MFSD12: variants seen among roughly 807,000 people sequenced by gnomAD.
The protein encoded by MFSD12 is major facilitator superfamily domain-containing protein 12.
Under a neutral mutation model 51.2 loss-of-function variants are expected in MFSD12, and 67 were observed. The ratio of observed to expected loss-of-function variants is 1.31; its 90% CI spans 1.08 to 1.60. The LOEUF is 1.60. Ranked by LOEUF, MFSD12 falls within the 40% of genes most tolerant of loss-of-function variation. MFSD12 has a pLI of 0.00. For synonymous variants in MFSD12, 441 were observed against 316.7 expected, an observed-to-expected ratio of 1.39 and a Z score of -4.17; for missense variants, 921 against 673.0, an observed-to-expected ratio of 1.37 and a Z score of -4.08.
rs149071651 is a variant in MFSD12 at position 3,550,964 on chromosome 19, G to T, written c.509+20C>A. On this transcript the variant is annotated intron_variant, in intron 2 of 9. Transcript: ENST00000355415. ...GCCGGGGCCCACCCTGCCCGTGGGG[G>T]AGGGTGCCCAGGCTCCCACCTGAGT... The T allele has an allele frequency of 1.1e-4, 178 of 1,604,636 alleles. 1 individual carries two copies. In the African/African-American group the frequency reaches 2.3e-3, roughly 20 times the overall value.
downstream of MFSD12, chr19:3,539,324 G>A (rs971802541): frequency 4.8e-6 from 5 of 1,032,006 alleles, no homozygotes; most frequent in Non-Finnish European, 7.3e-6. Context: ...TGGGTGTCAG[G>A]TTACATGGTG....
rs772250354 is a variant in MFSD12 at position 3,546,411 on chromosome 19, T to C, written c.1038A>G (p.Ser346=). The part of the protein sequence containing the change: ...KCIGRNMTYF[S]GLLVILAFAA... Reference sequence around the variant, plus strand: ...CAAAGGCCAGGATCACCAGGAGGCCTGAGAAGTAGGTCATCTGCAGGGACA... The same window carrying C: ...CAAAGGCCAGGATCACCAGGAGGCCCGAGAAGTAGGTCATCTGCAGGGACA... Residue 346 remains serine, a synonymous_variant, in exon 7 of 10, where the codon TCA becomes TCG. Coordinates refer to ENST00000355415, the MANE Select transcript of MFSD12 (RefSeq NM_174983.5). The C allele has an allele frequency of 1.2e-6, 2 of 1,606,444 alleles. No individual in the cohort carries two copies. Among genetic ancestry groups the C allele is most frequent in the Non-Finnish European group, 1.7e-6 (2 of 1,177,238 alleles).
chr19:3,551,339 C>T lies in MFSD12; in HGVS notation c.299-145G>A. The T allele has an allele frequency of 3.0e-6, 2 of 659,032 alleles. No homozygotes were observed. The highest frequency in any genetic ancestry group is 5.0e-6 in the Non-Finnish European group (2 of 399,168). 40.8% of individuals were successfully genotyped at this position (659,032 alleles called of 1,614,324 possible). ...CACACAGTCACGCAGGAGCGAGGGT[C>T]TGCAGTCGGGGTCCCCCAGGCTTAT... On this transcript the variant is annotated intron_variant, in intron 1 of 9. Coordinates refer to ENST00000355415, the MANE Select transcript of MFSD12 (RefSeq NM_174983.5). This position sits in a 1 kb window ranked among gnomAD's most constrained non-coding sequence, Gnocchi z 4.6.
rs45558233 is a variant in MFSD12 at position 3,546,197 on chromosome 19, G to C, written c.1195-29C>G. 11 of 1,610,212 alleles carry C rather than the reference G, an allele frequency of 6.8e-6. 1 individual carries two copies. The South Asian group carries it at 9.9e-5, about 14-fold the overall frequency. ...TGGAGACACAGGCGAGGTGGTCAGCGTGCACCCCGAGATCTAGGACCCGGC... is the reference window on the plus strand; with the variant it reads ...TGGAGACACAGGCGAGGTGGTCAGCCTGCACCCCGAGATCTAGGACCCGGC... On this transcript the variant is annotated intron_variant, in intron 7 of 9. Coordinates refer to ENST00000355415, the MANE Select transcript of MFSD12 (RefSeq NM_174983.5).
intron 8 of MFSD12, 90 bp downstream of exon 8, chr19:3,545,984 G>GCCCAGA: frequency 7.3e-7 from 1 of 1,375,220 alleles, no homozygotes; most frequent in Non-Finnish European, 1.0e-6. Context: ...ACAGCTGGAT[G>GCCCAGA]CCCAGACCCA....
chr19:3,548,048 G>A lies in MFSD12; in HGVS notation c.655-18C>T, dbSNP rs761541999. ...GACAGGTTCTGGGGATGCAGCAGAA[G>A]CAGTCAGTGGTGGCGGGCCCAGCCC... On this transcript the variant is annotated intron_variant, in intron 3 of 9. Transcript: ENST00000355415. 1.7e-5 allele frequency: 27 copies of A among 1,599,796 alleles called. No individual in the cohort carries two copies. The Admixed American group carries it at 1.7e-4, about 10-fold the overall frequency.
At chr19:3,544,131 C>G, downstream of MFSD12, 1 of 1,414,296 alleles carries the variant, frequency 7.1e-7, no homozygotes. Flanking sequence ...CGCCCACAAC[C>G]AGGGCAGGGC....
At chr19:3,543,104 C>T (rs2030566094), downstream of MFSD12, 2 of 1,535,880 alleles carry the variant, frequency 1.3e-6, no homozygotes, top group South Asian at 1.2e-5. Context: ...GGACAGACTC[C>T]AAGTGGCGAG....
intron 4 of MFSD12, chr19:3,539,002 C>A: frequency 1.6e-6 from 1 of 630,128 alleles, no homozygotes; most frequent in Non-Finnish European, 2.9e-6. Context: ...CACACTGTGT[C>A]ACCCCCAGTT....
At position 3,557,154 on chromosome 19, in the gene MFSD12, C is replaced by A. The variant is rs114247060; in HGVS notation, c.250G>T (p.Ala84Ser). Residue 84 changes from alanine (A) to serine (S), a missense_variant, in exon 1 of 10, where the codon GCC becomes TCC. Transcript: ENST00000355415. Reference protein sequence around the residue: ...PLVGYEADRAASCCARYGPRK... With the variant: ...PLVGYEADRASSCCARYGPRK... ...GGGCCGTAGCGGGCGCAGCAGCTGG[C>A]GGCGCGGTCGGCCTCGTAGCCCACG... 1 of 1,517,526 alleles carries A rather than the reference C, an allele frequency of 6.6e-7. No individual in the cohort carries two copies. The highest frequency in any genetic ancestry group is 8.8e-7 in the Non-Finnish European group (1 of 1,134,726). 94.0% of individuals were successfully genotyped at this position (1,517,526 alleles called of 1,614,324 possible).
At chr19:3,545,053 G>C in intron 8 of MFSD12, 114 bp from the exon 9 acceptor site, 1 of 1,391,160 alleles carries the variant, frequency 7.2e-7, no homozygotes, top group Non-Finnish European at 9.5e-7. Flanking sequence ...TCCAATCCAG[G>C]AGCTGGGGGC....
Position 3,547,988 on chromosome 19 carries a change from G to C in MFSD12, c.697C>G (p.Leu233Val). The C allele has an allele frequency of 1.3e-6, 2 of 1,599,278 alleles. No homozygotes were observed. The highest frequency in any genetic ancestry group is 1.7e-6 in the Non-Finnish European group (2 of 1,179,368). ...LVVGVGAVFSLLFHLGTRERR... is the reference protein window; with the variant it reads ...LVVGVGAVFSVLFHLGTRERR... ...TCCCGGGTGCCCAGGTGGAATAGCA[G>C]TGAGAACACGGCGCCGACACCCACC... Residue 233 changes from leucine (L) to valine (V), a missense_variant, in exon 4 of 10, where the codon CTG (leucine) becomes GTG (valine). By Grantham distance (32) the Leu-to-Val change is conservative (BLOSUM62 1). Coordinates refer to ENST00000355415, the MANE Select transcript of MFSD12 (RefSeq NM_174983.5).
At chr19:3,541,986 T>C (rs1381936184), downstream of MFSD12, 1 of 427,070 alleles carries the variant, frequency 2.3e-6, no homozygotes, top group Admixed American at 6.4e-5. Context: ...ATTTTTGTAT[T>C]TTTAGTAGAG....
chr19:3,543,209 A>T, downstream of MFSD12: 1 of 1,535,822 alleles, frequency 6.5e-7, no homozygotes, highest in Non-Finnish European at 8.8e-7. Flanking sequence ...ACATGGGCTC[A>T]GTCTCTGCCC....
In MFSD12 at chr19:3,557,124, T is replaced by C; in HGVS notation, c.280A>G (p.Lys94Glu). ...ASCCARYGPR[K>E]AWHLVGTVCV... ...CGCTTACCGACCAGGTGCCAGGCCT[T>C]GCGCGGGCCGTAGCGGGCGCAGCAG... is the stretch of plus-strand genomic sequence containing the variant. The change falls in exon 1 of 10, where the codon AAG becomes GAG. Residue 94 changes from lysine to glutamate, a missense_variant. Lys to Glu is a moderately conservative substitution (Grantham distance 56, BLOSUM62 1). Coordinates refer to ENST00000355415, the MANE Select transcript of MFSD12 (RefSeq NM_174983.5). The C allele has an allele frequency of 6.7e-7, 1 of 1,500,580 alleles. No homozygotes were observed. Among genetic ancestry groups the C allele is most frequent in the Non-Finnish European group, 8.9e-7 (1 of 1,127,938 alleles). 93.0% of individuals were successfully genotyped at this position (1,500,580 alleles called of 1,614,324 possible). A position where few individuals can be genotyped will look rare whatever the true frequency, so the allele number is the denominator to read the frequency against.
chr19:3,544,251 G>C lies in MFSD12; in HGVS notation c.*459C>G. On this transcript the variant is annotated 3_prime_UTR_variant, in exon 10 of 10. Coordinates refer to ENST00000355415, the MANE Select transcript of MFSD12 (RefSeq NM_174983.5). The stretch of plus-strand genomic sequence containing the variant: ...CAGAGTCCACCAAGCCTGCCGGGCA[G>C]CCCTGCTGCCCACCACGGTGGGGTC... 1 of 1,311,362 alleles carries C rather than the reference G, an allele frequency of 7.6e-7. No homozygotes were observed. The highest frequency in any genetic ancestry group is 9.7e-7 in the Non-Finnish European group (1 of 1,032,342). 81.2% of individuals were successfully genotyped at this position (1,311,362 alleles called of 1,614,324 possible).
chr19:3,540,593 C>T (rs1213138530), downstream of MFSD12, among the ~76,000 whole-genome samples: 1 of 151,828 alleles, frequency 6.6e-6, no homozygotes, highest in Non-Finnish European at 1.5e-5. Context: ...AAAAATCAGC[C>T]AGGCAGCCAG....
downstream of MFSD12, chr19:3,541,780 G>T (rs1290148330): frequency 1.0e-6 from 1 of 985,112 alleles, no homozygotes; most frequent in East Asian, 1.1e-4. Context: ...CAGGGGTGAG[G>T]GGCTCATTTC....
chr19:3,544,410 AG>A lies in MFSD12; in HGVS notation c.*299del. Reference sequence around the variant, plus strand: ...CTGAGCTCAGGGTTAGGGTTCCCCCAGACCCTTCTGGGATTCCTACTTCCTG... The same window carrying A: ...CTGAGCTCAGGGTTAGGGTTCCCCCAACCCTTCTGGGATTCCTACTTCCTG... On this transcript the variant is annotated 3_prime_UTR_variant, in exon 10 of 10. Coordinates refer to ENST00000355415, the MANE Select transcript of MFSD12 (RefSeq NM_174983.5). 1 of 1,323,462 alleles carries A rather than the reference AG, an allele frequency of 7.6e-7. No homozygotes were observed. The highest frequency in any genetic ancestry group is 9.6e-7 in the Non-Finnish European group (1 of 1,038,160). The allele number at this position is 1,323,462 out of a possible 1,614,324, so 82.0% of individuals were successfully genotyped here. A position where few individuals can be genotyped will look rare whatever the true frequency, so the allele number is the denominator to read the frequency against.
Sources: allele counts gnomAD v4.1 joint callset (sites outside exome capture counted in the v4.1 genomes callset), GRCh38; gene constraint gnomAD v4.1.1; non-coding constraint Gnocchi (gnomAD v3.1); transcripts MANE v1.5; gene names NCBI Gene and HGNC (gene_info 2026-07-23, HGNC 2026-07-21).